THRB: variants seen among roughly 807,000 people sequenced by gnomAD.
THRB encodes the protein thyroid hormone receptor beta.
THRB carries 12 observed loss-of-function variants against 47.8 expected under a neutral mutation model. The observed-to-expected ratio is 0.25, with a 90% confidence interval of 0.16 to 0.41. The LOEUF (loss-of-function observed/expected upper bound fraction) is 0.41, where lower values mean the gene tolerates loss of function less well. Among genes scored for constraint, THRB ranks in the 10% least tolerant of loss-of-function variants. The probability of loss-of-function intolerance (pLI) is 1.00; values close to 1 mark genes in which losing one functional copy is unlikely to be tolerated. For synonymous variants in THRB, 218 were observed against 212.2 expected, an observed-to-expected ratio of 1.03 and a Z score of -0.24; for missense variants, 348 against 589.2, an observed-to-expected ratio of 0.59 and a Z score of 4.24.
chr3:24,193,840 A>G (rs933211524), intron 4 of THRB, among the ~76,000 whole-genome samples: 1 of 152,210 alleles, frequency 6.6e-6, no homozygotes, highest in Non-Finnish European at 1.5e-5. Flanking sequence ...TAACAGCACA[A>G]ATTGCAATTG....
chr3:24,139,738 T>A (rs1015541842), intron 8 of THRB, among the ~76,000 whole-genome samples: 2 of 152,168 alleles, frequency 1.3e-5, no homozygotes, highest in Non-Finnish European at 1.5e-5. Context: ...TGGGTCCTGG[T>A]CTTAGACTGA....
chr3:24,174,938 T>C (rs1250320349), intron 5 of THRB, among the ~76,000 whole-genome samples: 1 of 152,250 alleles, frequency 6.6e-6, no homozygotes, highest in Non-Finnish European at 1.5e-5. Flanking sequence ...CAAAATGGTA[T>C]GTCTCTGTTT....
At chr3:24,334,708 A>C (rs2062130726) in intron 2 of THRB, among the ~76,000 whole-genome samples, 1 of 152,156 alleles carries the variant, frequency 6.6e-6, no homozygotes, top group Non-Finnish European at 1.5e-5. Context: ...AAATTCTGGA[A>C]AGGGGCTCAG....
chr3:24,398,529 T>G (rs2067146539), intron 1 of THRB, among the ~76,000 whole-genome samples: 2 of 152,172 alleles, frequency 1.3e-5, no homozygotes, highest in South Asian at 4.1e-4. Flanking sequence ...CACAATGAGA[T>G]ACCATCTCAC....
chr3:24,269,591 A>G (rs1247834577), intron 3 of THRB, among the ~76,000 whole-genome samples: 6 of 127,760 alleles, frequency 4.7e-5, no homozygotes, highest in African/African-American at 1.2e-4. Context: ...ACACCTGGAT[A>G]ATTTTTAATT....
chr3:24,341,917 T>A (rs1269715231), intron 1 of THRB, among the ~76,000 whole-genome samples: 1 of 152,094 alleles, frequency 6.6e-6, no homozygotes, highest in Non-Finnish European at 1.5e-5. Context: ...CCCATCCATA[T>A]AAGACAGCCC....
Position 24,188,946 on chromosome 3 carries a change from C to G in THRB, c.283+1128G>C, listed in dbSNP as rs1328325836. Among the ~76,000 whole-genome samples the G allele has an allele frequency of 2.1e-5, 3 of 145,702 alleles. No individual in the cohort carries two copies. The East Asian group carries it at 6.0e-4, about 29-fold the overall frequency. On this transcript the variant is annotated intron_variant, in intron 5 of 10. Coordinates refer to ENST00000646209, the MANE Select transcript of THRB (RefSeq NM_001354712.2). ...GGACATGTATAGTTTTGACTGCACTCAAATCAGAGCTCAGAACACTATTTC... is the reference window on the plus strand; with the variant it reads ...GGACATGTATAGTTTTGACTGCACTGAAATCAGAGCTCAGAACACTATTTC...
intron 5 of THRB, among the ~76,000 whole-genome samples, chr3:24,168,490 A>ATATATATAT (rs1559499553): frequency 1.7e-4 from 24 of 137,968 alleles, no homozygotes; most frequent in Admixed American, 3.6e-4. Context: ...TTCAATCAAT[A>ATATATATAT]ATATATATAT....
At chr3:24,207,706 C>G (rs546884135) in intron 4 of THRB, among the ~76,000 whole-genome samples, 11 of 151,936 alleles carry the variant, frequency 7.2e-5, no homozygotes, top group African/African-American at 2.7e-4. Context: ...CTGCACTCTG[C>G]CAGCTATCTA....
intron 5 of THRB, among the ~76,000 whole-genome samples, chr3:24,156,068 T>C (rs1268454216): frequency 6.6e-6 from 1 of 152,276 alleles, no homozygotes; most frequent in Non-Finnish European, 1.5e-5. Flanking sequence ...AACAAAGGAC[T>C]TGAGATTTTT....
intron 1 of THRB, among the ~76,000 whole-genome samples, chr3:24,447,013 G>A (rs9857631): frequency 0.014 from 2,147 of 152,146 alleles, 54 homozygotes; most frequent in African/African-American, 0.048. Context: ...CATCATTACC[G>A]GGGACACAGT....
chr3:24,489,043 C>G (rs143744778), intron 1 of THRB, among the ~76,000 whole-genome samples: 4 of 152,202 alleles, frequency 2.6e-5, no homozygotes, highest in Non-Finnish European at 5.9e-5. Flanking sequence ...ATCACGAGGT[C>G]AGGAGATCGA....
At chr3:24,233,616 A>AAAGAAAGAAAGAAAGAAAGG (rs2048556194) in intron 3 of THRB, among the ~76,000 whole-genome samples, 1 of 149,886 alleles carries the variant, frequency 6.7e-6, no homozygotes, top group Non-Finnish European at 1.5e-5. Context: ...AGAAAGAAAG[A>AAAGAAAGAAAGAAAGAAAGG]GAAAGAGCCT....
chr3:24,400,559 A>C (rs1483515150), intron 1 of THRB, among the ~76,000 whole-genome samples: 2 of 152,092 alleles, frequency 1.3e-5, no homozygotes, highest in Non-Finnish European at 2.9e-5. Context: ...CAATAGCATG[A>C]TGCAATGAAA....
At chr3:24,489,714 A>G (rs1448910081) in intron 1 of THRB, among the ~76,000 whole-genome samples, 4 of 152,220 alleles carry the variant, frequency 2.6e-5, no homozygotes, top group Non-Finnish European at 5.9e-5. Context: ...AGTAGGGACC[A>G]AACAACATTA....
intron 1 of THRB, among the ~76,000 whole-genome samples, chr3:24,474,039 C>T (rs981967390): frequency 1.3e-5 from 2 of 152,074 alleles, no homozygotes; most frequent in African/African-American, 4.8e-5. Flanking sequence ...CAGCAAACCA[C>T]CATGCCACGT....
rs1039586208 is a variant in THRB, at chr3:24,122,206, T to C, written c.*678A>G. Reference sequence around the variant, plus strand: ...TCTGGGCTCACTGAAAAAAAATATTTTCCTTGTTGGCCTCCATCAGTCAAT... The same window carrying C: ...TCTGGGCTCACTGAAAAAAAATATTCTCCTTGTTGGCCTCCATCAGTCAAT... On this transcript the variant is annotated 3_prime_UTR_variant, in exon 11 of 11. Coordinates refer to ENST00000646209, the MANE Select transcript of THRB (RefSeq NM_001354712.2). 1 of 152,994 alleles carries C rather than the reference T, an allele frequency of 6.5e-6. No homozygotes were observed. The highest frequency in any genetic ancestry group is 1.5e-5 in the Non-Finnish European group (1 of 68,338). The allele number at this position is 152,994 out of a possible 1,614,324, so 9.5% of individuals were successfully genotyped here.
chr3:24,388,233 T>C (rs1268437958), intron 1 of THRB, among the ~76,000 whole-genome samples: 3 of 152,098 alleles, frequency 2.0e-5, no homozygotes, highest in African/African-American at 4.8e-5. Flanking sequence ...TTGGAACAAC[T>C]CTGAAGGGCT....
chr3:24,458,724 A>G (rs2125623569), intron 1 of THRB: 1 of 152,296 alleles, frequency 6.6e-6, no homozygotes, highest in South Asian at 2.1e-4. Context: ...GGAGTGATTT[A>G]AGTACTGAGA....
Sources: allele counts gnomAD v4.1 joint callset (sites outside exome capture counted in the v4.1 genomes callset), GRCh38; gene constraint gnomAD v4.1.1; transcripts MANE v1.5; gene names NCBI Gene and HGNC (gene_info 2026-07-23, HGNC 2026-07-21).